LUZP2: variants seen among roughly 807,000 people sequenced by gnomAD.
The protein encoded by LUZP2 is leucine zipper protein 2.
In LUZP2, 52 loss-of-function variants were observed where a neutral mutation model predicts 51.6. The observed-to-expected ratio is 1.01, with a 90% CI of 0.81 to 1.27. The LOEUF is 1.27. Ranked by LOEUF, LUZP2 falls within the 50% of genes most tolerant of loss-of-function variation. The pLI is 0.00. For missense variants in LUZP2, 436 were observed against 395.4 expected, an observed-to-expected ratio of 1.10 and a Z score of -0.87; for synonymous variants, 154 against 137.3, an observed-to-expected ratio of 1.12 and a Z score of -0.85.
chr11:24,635,255 G>T (rs767260748), intron 1 of LUZP2, among the ~76,000 whole-genome samples: 36 of 151,784 alleles, frequency 2.4e-4, no homozygotes, highest in Admixed American at 1.1e-3. Flanking sequence ...TAAATAAAAA[G>T]AAATATGACA....
intron 1 of LUZP2, among the ~76,000 whole-genome samples, chr11:24,635,512 A>G (rs1399065820): frequency 6.6e-6 from 1 of 152,124 alleles, no homozygotes; most frequent in African/African-American, 2.4e-5. Context: ...AACTAAAGAC[A>G]GTCAAATGTC....
chr11:24,864,937 T>G (rs1415606005), intron 5 of LUZP2, among the ~76,000 whole-genome samples: 2 of 152,204 alleles, frequency 1.3e-5, no homozygotes, highest in Non-Finnish European at 2.9e-5. Flanking sequence ...ATTGTAGGTT[T>G]ATTCAGCATC....
intron 1 of LUZP2, among the ~76,000 whole-genome samples, chr11:24,707,876 A>G (rs1857652822): frequency 8.5e-5 from 13 of 152,172 alleles, no homozygotes; most frequent in Admixed American, 7.9e-4. Flanking sequence ...TGGAATAATG[A>G]TGAGTACAAA....
chr11:24,530,599 C>G (rs1850961379), intron 1 of LUZP2, among the ~76,000 whole-genome samples: 1 of 150,724 alleles, frequency 6.6e-6, no homozygotes, highest in Non-Finnish European at 1.5e-5. Context: ...TCTCTCCTTT[C>G]TTTGCTACCA....
intron 1 of LUZP2, among the ~76,000 whole-genome samples, chr11:24,616,338 A>G (rs1309144179): frequency 6.6e-6 from 1 of 151,846 alleles, no homozygotes; most frequent in East Asian, 1.9e-4. Flanking sequence ...CAGAAACTGT[A>G]TTGTTTTACA....
chr11:25,035,425 C>G (rs1235310065), intron 9 of LUZP2, among the ~76,000 whole-genome samples: 1 of 151,948 alleles, frequency 6.6e-6, no homozygotes, highest in Non-Finnish European at 1.5e-5. Flanking sequence ...AGAATACAAT[C>G]CTACTTACAA....
intron 1 of LUZP2, among the ~76,000 whole-genome samples, chr11:24,610,141 C>T (rs1470248477): frequency 2.0e-5 from 3 of 152,112 alleles, no homozygotes; most frequent in Non-Finnish European, 4.4e-5. Context: ...TGAAGAATGG[C>T]GTTCGAAGAG....
At chr11:25,008,795 A>G (rs761286669) in intron 9 of LUZP2, among the ~76,000 whole-genome samples, 5 of 152,096 alleles carry the variant, frequency 3.3e-5, no homozygotes, top group Non-Finnish European at 5.9e-5. Context: ...AGGAGGCCCA[A>G]TGTGTGACTG....
intron 1 of LUZP2, among the ~76,000 whole-genome samples, chr11:24,661,125 AACCAGAAAT>A (rs1856006534): frequency 6.6e-6 from 1 of 151,838 alleles, no homozygotes; most frequent in South Asian, 2.1e-4. Context: ...GTGGGTTTTA[AACCAGAAAT>A]ATTTGACATT....
intron 9 of LUZP2, among the ~76,000 whole-genome samples, chr11:24,994,978 A>C (rs1856450516): frequency 6.6e-6 from 1 of 152,208 alleles, no homozygotes; most frequent in Non-Finnish European, 1.5e-5. Context: ...TTATACTGTT[A>C]TACATTACAC....
intron 1 of LUZP2, among the ~76,000 whole-genome samples, chr11:24,591,313 T>C (rs1489498458): frequency 6.6e-6 from 1 of 152,142 alleles, no homozygotes; most frequent in Non-Finnish European, 1.5e-5. Context: ...GAGGTTACAG[T>C]GAGACTCTGG....
chr11:24,730,722 T>C (rs1201947667), intron 2 of LUZP2, among the ~76,000 whole-genome samples: 1 of 151,830 alleles, frequency 6.6e-6, no homozygotes, highest in African/African-American at 2.4e-5. Context: ...TTTACAATAT[T>C]CCCAGAATAC....
At chr11:24,924,948 T>C (rs988209627) in intron 7 of LUZP2, among the ~76,000 whole-genome samples, 24 of 152,180 alleles carry the variant, frequency 1.6e-4, no homozygotes, top group African/African-American at 5.5e-4. Flanking sequence ...AGAGAATAGA[T>C]TGTAAAAGTC....
At chr11:24,957,385 CTT>C (rs1308916362) in intron 7 of LUZP2, among the ~76,000 whole-genome samples, 1 of 152,008 alleles carries the variant, frequency 6.6e-6, no homozygotes, top group Non-Finnish European at 1.5e-5. Context: ...TGAAATTACT[CTT>C]AGCAAATTTG....
chr11:25,025,953 C>G (rs551025640), intron 9 of LUZP2, among the ~76,000 whole-genome samples: 1 of 152,252 alleles, frequency 6.6e-6, no homozygotes, highest in South Asian at 2.1e-4. Context: ...CCATGGAATT[C>G]TATGCAGCCA....
At chr11:25,055,034 C>T (rs1448529702) in intron 10 of LUZP2, among the ~76,000 whole-genome samples, 4 of 121,650 alleles carry the variant, frequency 3.3e-5, no homozygotes, top group Admixed American at 1.0e-4. Flanking sequence ...TTTTTCGAGG[C>T]GGAGTCTCGC....
intron 10 of LUZP2, among the ~76,000 whole-genome samples, chr11:25,076,603 TAAGGAAGGAATG>T (rs1364385483): frequency 4.1e-5 from 3 of 72,388 alleles, no homozygotes; most frequent in Non-Finnish European, 5.7e-5. Flanking sequence ...AAGAGGGAAC[TAAGGAAGGAATG>T]AAGGAAGGAA....
chr11:24,763,744 C>T (rs1196830760), intron 5 of LUZP2, among the ~76,000 whole-genome samples: 1 of 152,124 alleles, frequency 6.6e-6, no homozygotes, highest in Non-Finnish European at 1.5e-5. Context: ...AAGTTGTAAT[C>T]ATTTCCATGA....
At chr11:25,006,614 T>C (rs1484051029) in intron 9 of LUZP2, among the ~76,000 whole-genome samples, 1 of 152,168 alleles carries the variant, frequency 6.6e-6, no homozygotes, top group Non-Finnish European at 1.5e-5. Flanking sequence ...GCCCGGTATT[T>C]AGCCCCCAAA....
Sources: allele counts gnomAD v4.1 joint callset (sites outside exome capture counted in the v4.1 genomes callset), GRCh38; gene constraint gnomAD v4.1.1; transcripts MANE v1.5; gene names NCBI Gene and HGNC (gene_info 2026-07-23, HGNC 2026-07-21).